ABCC4: variants seen among roughly 807,000 people sequenced by gnomAD.
The protein encoded by ABCC4 is ATP binding cassette subfamily C member 4 (PEL blood group), also known as ATP-binding cassette sub-family C member 4.
A neutral mutation model predicts 168.5 loss-of-function variants in ABCC4; 102 were observed. The ratio of observed to expected loss-of-function variants is 0.61; its 90% CI spans 0.52 to 0.71. ABCC4 has a LOEUF of 0.71. Among genes scored for constraint, ABCC4 ranks in the 30% least tolerant of loss-of-function variants. The pLI is 0.00. For synonymous variants in ABCC4, 617 were observed against 590.7 expected, an observed-to-expected ratio of 1.04 and a Z score of -0.65; for missense variants, 1,402 against 1,605.8, an observed-to-expected ratio of 0.87 and a Z score of 2.17.
Position 95,178,045 on chromosome 13 carries a change from C to A in ABCC4, c.1592G>T (p.Arg531Leu). 1.2e-6 allele frequency: 2 copies of A among 1,614,172 alleles called. No homozygotes were observed. The highest frequency in any genetic ancestry group is 1.3e-5 in the African/African-American group (1 of 75,042). ...EDGDLTVIGDRGTTLSGGQKA... is the reference protein window; with the variant it reads ...EDGDLTVIGDLGTTLSGGQKA... The stretch of plus-strand genomic sequence containing the variant: ...CTGCCCTCCACTCAGCGTGGTTCCC[C>A]GATCTCCTATCACAGTCAGATCACC... Residue 531 changes from arginine to leucine, a missense_variant, in exon 12 of 31, where the codon CGG (arginine) becomes CTG (leucine). Arg to Leu is a moderately radical substitution (Grantham distance 102). This residue lies in a region of ABCC4 where 1,007 missense variants were observed against 1,127.3 expected (regional missense o/e 0.89). Transcript: ENST00000645237.
intron 30 of ABCC4, among the ~76,000 whole-genome samples, chr13:95,033,055 C>T (rs2031957038): frequency 6.6e-6 from 1 of 150,428 alleles, no homozygotes; most frequent in Non-Finnish European, 1.5e-5. Flanking sequence ...CTGCAACCTC[C>T]ACCTCCCAGG....
chr13:95,109,281 A>G (rs1426177973), intron 20 of ABCC4, among the ~76,000 whole-genome samples: 1 of 152,214 alleles, frequency 6.6e-6, no homozygotes, highest in African/African-American at 2.4e-5. Flanking sequence ...GTTTTATTAC[A>G]GAATGGAGTG....
rs555564890 is a variant in ABCC4 at position 95,202,950 on chromosome 13, G to A, written c.1161+3582C>T. Among the ~76,000 whole-genome samples, 8 of 152,254 alleles carry A rather than the reference G, an allele frequency of 5.3e-5. No homozygotes were observed. In the East Asian group the frequency reaches 1.2e-3, roughly 22 times the overall value. On this transcript the variant is annotated intron_variant, in intron 8 of 30. Transcript: ENST00000645237. ...GCTGGGATTACAGACGTGAGCCATC[G>A]CGCCTGGCCGCACTTCTGAGACAGA...
rs142165180 is a variant in ABCC4 at position 95,239,793 on chromosome 13, C to G, written c.307-4959G>C. Among the ~76,000 whole-genome samples, 9 of 152,302 alleles carry G rather than the reference C, an allele frequency of 5.9e-5. No homozygotes were observed. In the East Asian group the frequency reaches 1.7e-3, roughly 29 times the overall value. ...AAAAATAACAAAATTAATCATTTCT[C>G]CTGCCTTTCCTATAGGTGTACTGTA... On this transcript the variant is annotated intron_variant, in intron 3 of 30. Coordinates refer to ENST00000645237, the MANE Select transcript of ABCC4 (RefSeq NM_005845.5).
At chr13:95,272,234 T>C (rs1244497649) in intron 1 of ABCC4, among the ~76,000 whole-genome samples, 2 of 152,078 alleles carry the variant, frequency 1.3e-5, no homozygotes, top group East Asian at 3.9e-4. Context: ...TTACTAGAGA[T>C]AGCGTTTCAC....
intron 30 of ABCC4, among the ~76,000 whole-genome samples, chr13:95,023,817 T>C (rs138504844): frequency 6.0e-4 from 91 of 152,274 alleles, no homozygotes; most frequent in African/African-American, 2.1e-3. Context: ...GCTGAGACAA[T>C]TTCAACTGAA....
intron 1 of ABCC4, among the ~76,000 whole-genome samples, chr13:95,258,880 G>A (rs2040457632): frequency 6.6e-6 from 1 of 152,198 alleles, no homozygotes; most frequent in South Asian, 2.1e-4. Flanking sequence ...AGTACTTTCA[G>A]GTGTGGCAAA....
chr13:95,043,723 C>T lies in ABCC4; in HGVS notation c.3694G>A (p.Ala1232Thr), dbSNP rs1212693603. Residue 1232 changes from alanine to threonine, a missense_variant, in exon 29 of 31, where the codon GCA (alanine) becomes ACA (threonine). Around this residue, in one of 3 missense-constraint regions of ABCC4, gnomAD observed 1,007 missense variants for 1,127.3 expected, o/e 0.89. Coordinates refer to ENST00000645237, the MANE Select transcript of ABCC4 (RefSeq NM_005845.5). The part of the protein sequence containing the change: ...KFAHCTVLTI[A>T]HRLNTIIDSD... ...TCAATAATGGTGTTCAATCTGTGTG[C>T]AATGGTTAGCACGGTGCAGTGGGCA... is the stretch of plus-strand genomic sequence containing the variant. The T allele has an allele frequency of 1.2e-6, 2 of 1,613,656 alleles. No individual in the cohort carries two copies. Among genetic ancestry groups the T allele is most frequent in the Admixed American group, 3.3e-5 (2 of 59,978 alleles).
At position 95,261,353 on chromosome 13, in the gene ABCC4, G is replaced by A. The variant is rs566164307; in HGVS notation, c.75-13600C>T. On this transcript the variant is annotated intron_variant, in intron 1 of 30. Coordinates refer to ENST00000645237, the MANE Select transcript of ABCC4 (RefSeq NM_005845.5). ...AATCCCAGCTACTCAGGAAGCTAAG[G>A]CGGAAGAATCACTTGAACCCAAGAG... is the stretch of plus-strand genomic sequence containing the variant. Among the ~76,000 whole-genome samples, 13 of 152,208 alleles carry A rather than the reference G, an allele frequency of 8.5e-5. No homozygotes were observed. The South Asian group carries it at 1.5e-3, about 17-fold the overall frequency.
intron 1 of ABCC4, among the ~76,000 whole-genome samples, chr13:95,264,045 G>A (rs944895214): frequency 1.2e-4 from 19 of 152,156 alleles, no homozygotes; most frequent in Non-Finnish European, 2.1e-4. Flanking sequence ...AAAGGACCCA[G>A]GAGCTCCCAC....
At chr13:95,052,994 G>C in intron 27 of ABCC4, 101 bp downstream of exon 27, 1 of 1,024,226 alleles carries the variant, frequency 9.8e-7, no homozygotes, top group South Asian at 1.4e-5. Context: ...AACAAAGTTA[G>C]TTAAACCGCT....
rs569799899 is a variant in ABCC4 at position 95,098,178 on chromosome 13, T to C, written c.2536-14888A>G. Among the ~76,000 whole-genome samples, 48 of 149,096 alleles carry C rather than the reference T, an allele frequency of 3.2e-4. 1 individual carries two copies. The highest frequency in any genetic ancestry group is 1.2e-3 in the African/African-American group (47 of 40,582). On this transcript the variant is annotated intron_variant, in intron 20 of 30. Coordinates refer to ENST00000645237, the MANE Select transcript of ABCC4 (RefSeq NM_005845.5). ...GTCAACTCATAAATATTCTGAACTG[T>C]AGATAATGAAAACACAACATATCAA...
At chr13:95,240,123 G>C (rs548229263) in intron 3 of ABCC4, among the ~76,000 whole-genome samples, 28 of 152,294 alleles carry the variant, frequency 1.8e-4, no homozygotes, top group Non-Finnish European at 2.4e-4. Flanking sequence ...GTACCAGATG[G>C]ACATGTTAAA....
chr13:95,289,313 T>C (rs1262732609), intron 1 of ABCC4, among the ~76,000 whole-genome samples: 1 of 152,182 alleles, frequency 6.6e-6, no homozygotes, highest in Non-Finnish European at 1.5e-5. Context: ...TCTCATGAGC[T>C]CAATTAATCT....
Position 95,021,403 on chromosome 13 carries a change from C to A in ABCC4, c.*172G>T. The A allele has an allele frequency of 5.6e-6, 3 of 533,136 alleles. No homozygotes were observed. Among genetic ancestry groups the A allele is most frequent in the Non-Finnish European group, 1.0e-5 (3 of 301,414 alleles). The allele number at this position is 533,136 out of a possible 1,614,324, so 33.0% of individuals were successfully genotyped here. On this transcript the variant is annotated 3_prime_UTR_variant, in exon 31 of 31. Transcript: ENST00000645237. Reference sequence around the variant, plus strand: ...TATTGACATTTAAATAAAAATAAACCATTTTGTTAGAGCTGGAGATCCTTG... The same window carrying A: ...TATTGACATTTAAATAAAAATAAACAATTTTGTTAGAGCTGGAGATCCTTG...
chr13:95,105,376 G>A (rs902112975), intron 20 of ABCC4, among the ~76,000 whole-genome samples: 28 of 152,022 alleles, frequency 1.8e-4, no homozygotes, highest in Non-Finnish European at 3.5e-4. Flanking sequence ...TGTGGCCCAG[G>A]GGTTGGGGAC....
chr13:95,022,111 A>G (rs2031121612), intron 30 of ABCC4, among the ~76,000 whole-genome samples: 1 of 152,200 alleles, frequency 6.6e-6, no homozygotes, highest in Non-Finnish European at 1.5e-5. Context: ...TGTAATCCCT[A>G]TATTTTATAA....
At chr13:95,105,848 G>A (rs933699670) in intron 20 of ABCC4, among the ~76,000 whole-genome samples, 1 of 152,160 alleles carries the variant, frequency 6.6e-6, no homozygotes, top group Non-Finnish European at 1.5e-5. Flanking sequence ...GACATCCACT[G>A]CCACAAAGAC....
intron 13 of ABCC4, among the ~76,000 whole-genome samples, chr13:95,175,763 C>G (rs1289016944): frequency 6.6e-6 from 1 of 152,194 alleles, no homozygotes; most frequent in African/African-American, 2.4e-5. Flanking sequence ...GCCAAGAAAG[C>G]CCTCGGGAGG....
Sources: allele counts gnomAD v4.1 joint callset (sites outside exome capture counted in the v4.1 genomes callset), GRCh38; gene constraint gnomAD v4.1.1; regional missense constraint gnomAD v4.1.1; transcripts MANE v1.5; gene names NCBI Gene and HGNC (gene_info 2026-07-23, HGNC 2026-07-21).